Variants in FARS2 observed in about 807,000 individuals in gnomAD.
The protein encoded by FARS2 is phenylalanyl-tRNA synthetase 2, mitochondrial, also known as phenylalanine--tRNA ligase, mitochondrial.
Under a neutral mutation model 46.4 loss-of-function variants are expected in FARS2, and 40 were observed. The observed-to-expected ratio is 0.86, with a 90% CI of 0.67 to 1.12. FARS2 has a LOEUF of 1.12. FARS2 is among the 50% of genes most tolerant of loss of function. FARS2 has a pLI of 0.00. For synonymous variants in FARS2, 234 were observed against 214.9 expected (o/e 1.09, Z -0.78); for missense variants, 513 against 567.9 (o/e 0.90, Z 0.98).
At chr6:5,432,442 TATAA>T in intron 4 of FARS2, among the ~76,000 whole-genome samples, 1 of 129,134 alleles carries the variant, frequency 7.7e-6, no homozygotes, top group Non-Finnish European at 1.6e-5. Context: ...AAATATAATA[TATAA>T]AATATATATT....
Position 5,539,396 on chromosome 6 carries a change from A to ATATATG in FARS2, c.905-5781_905-5780insATGTAT, listed in dbSNP as rs1024662143. 1.2e-4 allele frequency among the ~76,000 whole-genome samples: 17 copies of ATATATG among 136,508 alleles called. 2 individuals carry two copies. The highest frequency in any genetic ancestry group is 3.6e-4 in the African/African-American group (12 of 33,790). 89.6% of individuals were successfully genotyped at this position (136,508 alleles called of 152,430 possible). A position where few individuals can be genotyped will look rare whatever the true frequency, so the allele number is the denominator to read the frequency against. ...TAATTTTTTTTGTGTATATATATAT[A>ATATATG]TATGTATATATTTTTTTAGTAGAGA... On this transcript the variant is annotated intron_variant, in intron 4 of 6. Transcript: ENST00000274680.
the FARS2 span, among the ~76,000 whole-genome samples, chr6:5,253,557 T>TG: frequency 6.6e-6 from 1 of 152,166 alleles, no homozygotes; most frequent in Admixed American, 6.5e-5. Context: ...AGCGACAACT[T>TG]GCGACAACTC....
chr6:5,505,144 A>G (rs1768029484), intron 4 of FARS2, among the ~76,000 whole-genome samples: 1 of 152,216 alleles, frequency 6.6e-6, no homozygotes, highest in African/African-American at 2.4e-5. Context: ...CTTGGTGTGA[A>G]TGATAAATTA....
chr6:5,380,552 C>T (rs115201838), intron 2 of FARS2, among the ~76,000 whole-genome samples: 2,159 of 152,218 alleles, frequency 0.014, 17 homozygotes, highest in Middle Eastern at 0.024. Flanking sequence ...TTGGTAGGTG[C>T]AGGTGGGCTG....
chr6:5,747,232 T>C (rs1487845498), intron 6 of FARS2, among the ~76,000 whole-genome samples: 4 of 152,202 alleles, frequency 2.6e-5, no homozygotes, highest in African/African-American at 9.6e-5. Context: ...TTGTAGCCAC[T>C]GAAAGGATGG....
chr6:5,651,849 G>A (rs1281780905), intron 6 of FARS2, among the ~76,000 whole-genome samples: 3 of 152,108 alleles, frequency 2.0e-5, no homozygotes, highest in Admixed American at 2.0e-4. Context: ...GCTGGTTAGT[G>A]GCAAAACTGA....
intron 1 of FARS2, among the ~76,000 whole-genome samples, chr6:5,361,151 G>A (rs812176): frequency 0.7 from 106,644 of 152,034 alleles, 38,062 homozygotes; most frequent in African/African-American, 0.82. Flanking sequence ...ATAGGTAGGT[G>A]TATATTTATA....
intron 4 of FARS2, chr6:5,431,705 G>A (rs930036020): frequency 1.9e-6 from 1 of 532,586 alleles, no homozygotes; most frequent in East Asian, 5.5e-5. Context: ...GGAAACACGA[G>A]GTTGCTGATT....
At chr6:5,717,351 A>ATGTGTGTG (rs58875741) in intron 6 of FARS2, among the ~76,000 whole-genome samples, 8,847 of 141,618 alleles carry the variant, frequency 0.062, 478 homozygotes, top group African/African-American at 0.14. Context: ...AGATATGTAT[A>ATGTGTGTG]TGTGTGTGTG....
At chr6:5,576,578 T>TA (rs1284049508) in intron 5 of FARS2, among the ~76,000 whole-genome samples, 15 of 145,696 alleles carry the variant, frequency 1.0e-4, no homozygotes, top group African/African-American at 2.6e-4. Flanking sequence ...TATATATCTA[T>TA]GATATATACT....
At chr6:5,407,066 T>TAA (rs1471304441) in intron 3 of FARS2, among the ~76,000 whole-genome samples, 1,106 of 107,874 alleles carry the variant, frequency 0.01, 53 homozygotes, top group East Asian at 0.018. Flanking sequence ...TATATATATA[T>TAA]AATGACCAAT....
chr6:5,267,073 G>A (rs1356643889), intron 1 of FARS2, among the ~76,000 whole-genome samples: 2 of 151,246 alleles, frequency 1.3e-5, no homozygotes, highest in East Asian at 3.9e-4. Flanking sequence ...AAGGGTTCCC[G>A]TATTTGTGGG....
chr6:5,550,005 T>C (rs941657136), intron 5 of FARS2, among the ~76,000 whole-genome samples: 4 of 152,136 alleles, frequency 2.6e-5, no homozygotes, highest in African/African-American at 9.7e-5. Context: ...CTGGGTATGA[T>C]TCATCCTGGG....
At chr6:5,374,095 T>A (rs1316682445) in intron 2 of FARS2, among the ~76,000 whole-genome samples, 1 of 152,130 alleles carries the variant, frequency 6.6e-6, no homozygotes, top group Non-Finnish European at 1.5e-5. Flanking sequence ...ATCTGATGTC[T>A]GTGATGTTCT....
intron 4 of FARS2, among the ~76,000 whole-genome samples, chr6:5,517,097 A>C (rs1427308792): frequency 6.6e-6 from 1 of 152,068 alleles, no homozygotes; most frequent in African/African-American, 2.4e-5. Flanking sequence ...TGCGTTTCGC[A>C]CAGTTTGGGA....
intron 5 of FARS2, among the ~76,000 whole-genome samples, chr6:5,547,757 T>C (rs1561704308): frequency 6.6e-6 from 1 of 152,250 alleles, no homozygotes; most frequent in Non-Finnish European, 1.5e-5. Context: ...CAAGTGTGGC[T>C]CATTCTTCTT....
chr6:5,286,636 G>A (rs1180691393), intron 1 of FARS2, among the ~76,000 whole-genome samples: 3 of 152,088 alleles, frequency 2.0e-5, no homozygotes, highest in African/African-American at 4.8e-5. Context: ...AATAAATTAC[G>A]TATATGTGTA....
At chr6:5,569,238 AT>A (rs35999608) in intron 5 of FARS2, among the ~76,000 whole-genome samples, 91,644 of 142,518 alleles carry the variant, frequency 0.64, 29,188 homozygotes, top group Non-Finnish European at 0.69. Flanking sequence ...CAGGAGTATA[AT>A]TTTTTTTTTT....
At chr6:5,536,266 C>T (rs1770191972) in intron 4 of FARS2, among the ~76,000 whole-genome samples, 1 of 152,046 alleles carries the variant, frequency 6.6e-6, no homozygotes, top group African/African-American at 2.4e-5. Context: ...CTCCTGACCT[C>T]ATGATCTGCC....
Sources: gnomAD v4.1 joint callset for allele counts (sites outside exome capture counted in the v4.1 genomes callset) on GRCh38, gnomAD v4.1.1 for gene constraint, MANE v1.5 for transcripts, NCBI Gene and HGNC (gene_info 2026-07-23, HGNC 2026-07-21) for gene names.